The following STAU1 variants were observed in gnomAD, a reference collection of about 807,000 sequenced individuals.
STAU1 encodes the protein double-stranded RNA-binding protein Staufen homolog 1.
A neutral mutation model predicts 62.9 loss-of-function variants in STAU1; 13 were observed. The ratio of observed to expected loss-of-function variants is 0.21; its 90% CI spans 0.13 to 0.33. The LOEUF is 0.33. Among genes scored for constraint, STAU1 ranks in the 10% least tolerant of loss-of-function variants. The probability of loss-of-function intolerance (pLI) is 1.00; values close to 1 mark genes in which losing one functional copy is unlikely to be tolerated. For synonymous variants in STAU1, 269 were observed against 265.1 expected (o/e 1.01, Z -0.14); for missense variants, 571 against 712.1 (o/e 0.80, Z 2.25).
the STAU1 span, among the ~76,000 whole-genome samples, chr20:49,206,179 G>A: frequency 6.9e-6 from 1 of 144,404 alleles, no homozygotes; most frequent in South Asian, 2.2e-4. Context: ...TTTTTTGTAA[G>A]TACGGGGTTT....
intron 1 of STAU1, among the ~76,000 whole-genome samples, chr20:49,175,286 G>A (rs1440602783): frequency 6.6e-6 from 1 of 151,682 alleles, no homozygotes. Context: ...AGCCAAGATC[G>A]CACCACTGCC....
At chr20:49,177,070 C>T (rs2093669029) in intron 1 of STAU1, among the ~76,000 whole-genome samples, 1 of 152,038 alleles carries the variant, frequency 6.6e-6, no homozygotes, top group Non-Finnish European at 1.5e-5. Flanking sequence ...TGCCACCATG[C>T]CCGGCTAATT....
intron 6 of STAU1, 75 bp downstream of exon 6, chr20:49,135,758 G>C: frequency 9.4e-7 from 1 of 1,067,834 alleles, no homozygotes. Context: ...ATGATATTTA[G>C]GGGAAAAAAT....
the STAU1 span, among the ~76,000 whole-genome samples, chr20:49,214,991 C>T: frequency 3.9e-5 from 6 of 152,152 alleles, no homozygotes; most frequent in African/African-American, 1.4e-4. Context: ...ACAATTTGAC[C>T]TCACATAAAT....
intron 3 of STAU1, among the ~76,000 whole-genome samples, chr20:49,158,688 T>C (rs2093402487): frequency 6.6e-6 from 1 of 151,836 alleles, no homozygotes. Context: ...CATGCACCTG[T>C]AATTCCAGCT....
Position 49,135,302 on chromosome 20 carries a change from G to A in STAU1, c.609+531C>T, listed in dbSNP as rs534916360. On this transcript the variant is annotated intron_variant, in intron 6 of 13. Coordinates refer to ENST00000371856, the MANE Select transcript of STAU1 (RefSeq NM_017453.4). ...TTGGATGAACTATATGTCTTTTAAG[G>A]CAACATATATTAAAATGTACCTTAT... is the stretch of plus-strand genomic sequence containing the variant. 3.3e-5 allele frequency among the ~76,000 whole-genome samples: 5 copies of A among 152,232 alleles called. No individual in the cohort carries two copies. In the South Asian group the frequency reaches 8.3e-4, roughly 25 times the overall value.
rs548951678 is a variant in STAU1, at chr20:49,167,257, G to A, written c.-84-972C>T. Among the ~76,000 whole-genome samples the A allele has an allele frequency of 3.9e-5, 6 of 152,138 alleles. No individual in the cohort carries two copies. The East Asian group carries it at 9.6e-4, about 24-fold the overall frequency. The stretch of plus-strand genomic sequence containing the variant: ...GTGGCAACAAAGAACAGAAATGACA[G>A]GTCTCTCAGGAAATAGCCAACCAAT... On this transcript the variant is annotated intron_variant, in intron 2 of 13. Transcript: ENST00000371856.
At chr20:49,124,609 A>G in intron 6 of STAU1, 22 bp from the exon 7 acceptor site, 2 of 1,612,444 alleles carry the variant, frequency 1.2e-6, no homozygotes, top group African/African-American at 1.3e-5. Flanking sequence ...GGAAAGACTG[A>G]GTGAAAGCGG....
intron 3 of STAU1, among the ~76,000 whole-genome samples, chr20:49,156,736 G>C (rs988093103): frequency 1.3e-5 from 2 of 152,090 alleles, no homozygotes; most frequent in African/African-American, 4.8e-5. Context: ...TATGTCACTT[G>C]AACCTTGAAC....
At chr20:49,195,682 T>A in the STAU1 span, among the ~76,000 whole-genome samples, 1 of 150,026 alleles carries the variant, frequency 6.7e-6, no homozygotes, top group South Asian at 2.1e-4. Flanking sequence ...GGTGGGCAGA[T>A]CACCTGAGGC....
chr20:49,213,390 C>T, the STAU1 span, among the ~76,000 whole-genome samples: 4 of 152,034 alleles, frequency 2.6e-5, no homozygotes, highest in South Asian at 4.2e-4. Context: ...GCCACCAACC[C>T]GGCTAATTTT....
At chr20:49,194,429 C>CAAAAAAAAAAAAAAAAA in the STAU1 span, among the ~76,000 whole-genome samples, 2 of 81,144 alleles carry the variant, frequency 2.5e-5, no homozygotes, top group African/African-American at 5.5e-5. Context: ...AACTCCGTCT[C>CAAAAAAAAAAAAAAAAA]AAAAAAAAAA....
the STAU1 span, among the ~76,000 whole-genome samples, chr20:49,204,644 ATATTTTTTTTTT>A: frequency 4.4e-3 from 181 of 41,368 alleles, no homozygotes; most frequent in South Asian, 7.1e-3. Flanking sequence ...ATATATATAT[ATATTTTTTTTTT>A]TTTTTTTTTT....
chr20:49,197,872 A>AT, the STAU1 span, among the ~76,000 whole-genome samples: 3 of 150,844 alleles, frequency 2.0e-5, no homozygotes, highest in East Asian at 5.9e-4. Context: ...CCGCCAACTC[A>AT]TTTTTTTTAA....
At position 49,153,977 on chromosome 20, in the gene STAU1, C is replaced by A; in HGVS notation, c.300G>T (p.Gln100His). Reference protein sequence around the residue: ...YKPVDPYSRMQSTYNYNMRGG... With the variant: ...YKPVDPYSRMHSTYNYNMRGG... Reference sequence around the variant, plus strand: ...CTCTCATGTTGTAGTTATAGGTGGACTGCATCCGAGAGTAAGGGTCAACAG... The same window carrying A: ...CTCTCATGTTGTAGTTATAGGTGGAATGCATCCGAGAGTAAGGGTCAACAG... Residue 100 changes from glutamine (Q) to histidine (H), a missense_variant, in exon 4 of 14, where the codon CAG becomes CAT. By Grantham distance (24) the Gln-to-His change is conservative. This residue lies in a region of STAU1 where 414 missense variants were observed against 499.6 expected (regional missense o/e 0.83). Transcript: ENST00000371856. 2 of 1,611,842 alleles carry A rather than the reference C, an allele frequency of 1.2e-6. No individual in the cohort carries two copies. The highest frequency in any genetic ancestry group is 1.7e-6 in the Non-Finnish European group (2 of 1,179,516).
intron 7 of STAU1, among the ~76,000 whole-genome samples, chr20:49,123,564 CAA>C (rs1412346933): frequency 6.6e-6 from 1 of 152,090 alleles, no homozygotes; most frequent in Non-Finnish European, 1.5e-5. Flanking sequence ...TACAACTCCC[CAA>C]AAGTCTGAGC....
At chr20:49,193,875 A>C in the STAU1 span, among the ~76,000 whole-genome samples, 2 of 152,124 alleles carry the variant, frequency 1.3e-5, no homozygotes, top group Non-Finnish European at 2.9e-5. Context: ...AGGCTGAGTC[A>C]GGAGAATGGC....
intron 3 of STAU1, among the ~76,000 whole-genome samples, chr20:49,163,310 T>C (rs190445447): frequency 1.4e-3 from 209 of 152,288 alleles, no homozygotes; most frequent in Admixed American, 3.5e-3. Context: ...CCTTTTTTTT[T>C]CTAGTCAGAC....
At chr20:49,174,048 G>A (rs1447196558) in intron 2 of STAU1, 147 bp downstream of exon 2, 3 of 152,108 alleles carry the variant, frequency 2.0e-5, no homozygotes, top group Non-Finnish European at 4.4e-5. Flanking sequence ...TAAATCAAGA[G>A]TAAAGATGAA....
Sources: allele counts gnomAD v4.1 joint callset (sites outside exome capture counted in the v4.1 genomes callset), GRCh38; gene constraint gnomAD v4.1.1; regional missense constraint gnomAD v4.1.1; transcripts MANE v1.5; gene names NCBI Gene and HGNC (gene_info 2026-07-23, HGNC 2026-07-21).